The following DGKD variants were observed in gnomAD, a reference collection of about 807,000 sequenced individuals.
DGKD encodes DAG kinase delta.
DGKD carries 68 observed loss-of-function variants against 154.4 expected under a neutral mutation model. The observed-to-expected ratio is 0.44, with a 90% CI of 0.36 to 0.54. DGKD has a LOEUF of 0.54. DGKD is among the 20% of genes least tolerant of loss of function. The probability of loss-of-function intolerance (pLI) is 0.00; values close to 1 mark genes in which losing one functional copy is unlikely to be tolerated. For missense variants in DGKD, 1,343 were observed against 1,593.6 expected, an observed-to-expected ratio of 0.84 and a Z score of 2.68; for synonymous variants, 693 against 638.0, an observed-to-expected ratio of 1.09 and a Z score of -1.30.
chr2:233,388,146 T>A (rs2125437883), intron 1 of DGKD, 111 bp from the exon 2 acceptor site: 1 of 1,545,546 alleles, frequency 6.5e-7, no homozygotes. Flanking sequence ...TGAGAAATAT[T>A]TTCTGTTAGA....
intron 1 of DGKD, among the ~76,000 whole-genome samples, chr2:233,358,027 T>A (rs1296008078): frequency 6.6e-6 from 1 of 152,270 alleles, no homozygotes; most frequent in East Asian, 1.9e-4. Flanking sequence ...CATTTATCAG[T>A]TTAGCATTTC....
At chr2:233,456,431 G>C (rs1417409398) in intron 19 of DGKD, among the ~76,000 whole-genome samples, 1 of 152,252 alleles carries the variant, frequency 6.6e-6, no homozygotes, top group Non-Finnish European at 1.5e-5. Context: ...AAAGAAGACT[G>C]AGGAAATACA....
intron 1 of DGKD, among the ~76,000 whole-genome samples, chr2:233,387,700 G>A (rs1387849562): frequency 6.6e-6 from 1 of 152,134 alleles, no homozygotes. Flanking sequence ...TGTGGCCGAG[G>A]CACTTTCCTC....
At chr2:233,378,032 A>G (rs12329282) in intron 1 of DGKD, among the ~76,000 whole-genome samples, 1 of 151,276 alleles carries the variant, frequency 6.6e-6, no homozygotes, top group East Asian at 1.9e-4. Flanking sequence ...GCCTTGAACT[A>G]CTGGTCTCAA....
At chr2:233,443,378 G>A (rs1227529694) in intron 10 of DGKD, among the ~76,000 whole-genome samples, 1 of 151,922 alleles carries the variant, frequency 6.6e-6, no homozygotes, top group Non-Finnish European at 1.5e-5. Context: ...GGGTGTGTGA[G>A]GATTATTGTT....
chr2:233,396,685 T>C, intron 3 of DGKD, among the ~76,000 whole-genome samples: 1 of 152,154 alleles, frequency 6.6e-6, no homozygotes, highest in Non-Finnish European at 1.5e-5. Context: ...GTAAATCCAC[T>C]GAGGGAAGCA....
intron 3 of DGKD, among the ~76,000 whole-genome samples, chr2:233,411,748 C>T (rs1575068161): frequency 6.6e-6 from 1 of 152,212 alleles, no homozygotes; most frequent in East Asian, 1.9e-4. Flanking sequence ...TCTACCTCGG[C>T]TTGCAAAGAT....
Position 233,460,297 on chromosome 2 carries a change from C to T in DGKD, c.2933C>T (p.Ala978Val). Residue 978 changes from alanine to valine, a missense_variant, in exon 24 of 30, where the codon GCC (alanine) becomes GTC (valine). Ala to Val is a moderately conservative substitution (Grantham distance 64). This residue lies in a region of DGKD where 429 missense variants were observed against 496.3 expected (regional missense o/e 0.86). Coordinates refer to ENST00000264057, the MANE Select transcript of DGKD (RefSeq NM_152879.3). ...CCGGAGATGCTGTCCGAGGAGGAGG[C>T]CACCCAGATGGACCAGTTTGGGCAG... ...LHPEMLSEEE[A>V]TQMDQFGQAA... 2 of 1,614,018 alleles carry T rather than the reference C, an allele frequency of 1.2e-6. No individual in the cohort carries two copies. Among genetic ancestry groups the T allele is most frequent in the Non-Finnish European group, 1.7e-6 (2 of 1,179,988 alleles).
rs1357581152 is a variant in DGKD at position 233,459,228 on chromosome 2, T to C, written c.2695-529T>C. On this transcript the variant is annotated intron_variant, in intron 22 of 29. Transcript: ENST00000264057. This position sits in a 1 kb window ranked among gnomAD's most constrained non-coding sequence, Gnocchi z 5.7. ...GCACTGGGGCGGGGGAGGGTGCTGA[T>C]GACACCCACTGGCTGAACCCCACCC... Among the ~76,000 whole-genome samples, 1 of 152,128 alleles carries C rather than the reference T, an allele frequency of 6.6e-6. No individual in the cohort carries two copies. Among genetic ancestry groups the C allele is most frequent in the Non-Finnish European group, 1.5e-5 (1 of 68,012 alleles).
chr2:233,358,760 A>G (rs976482338), intron 1 of DGKD, among the ~76,000 whole-genome samples: 12 of 152,184 alleles, frequency 7.9e-5, no homozygotes. Context: ...GTAATATTCC[A>G]TTCTACAGGC....
At chr2:233,357,668 C>G (rs751596240) in intron 1 of DGKD, among the ~76,000 whole-genome samples, 1 of 151,870 alleles carries the variant, frequency 6.6e-6, no homozygotes, top group Non-Finnish European at 1.5e-5. Context: ...TCCCAAGTAG[C>G]TGGGACTACA....
rs1436562129 is a variant in DGKD, at chr2:233,442,006, A to G, written c.1194+11A>G. On this transcript the variant is annotated intron_variant, in intron 10 of 29. Coordinates refer to ENST00000264057, the MANE Select transcript of DGKD (RefSeq NM_152879.3). ...AACCTTCATAAACAGGTACCAGGAC[A>G]GGAGGGAGCCCAGCCAGGAGCAGAG... The G allele has an allele frequency of 6.2e-7, 1 of 1,612,532 alleles. No individual in the cohort carries two copies. The highest frequency in any genetic ancestry group is 1.1e-5 in the South Asian group (1 of 91,050).
At chr2:233,383,197 T>C (rs1434763638) in intron 1 of DGKD, among the ~76,000 whole-genome samples, 1 of 152,090 alleles carries the variant, frequency 6.6e-6, no homozygotes, top group African/African-American at 2.4e-5. Flanking sequence ...TCCGCCACCA[T>C]GCCCAGCTAA....
At position 233,370,026 on chromosome 2, in the gene DGKD, A is replaced by G. The variant is rs1702232667; in HGVS notation, c.156+15352A>G. On this transcript the variant is annotated intron_variant, in intron 1 of 29. Coordinates refer to ENST00000264057, the MANE Select transcript of DGKD (RefSeq NM_152879.3). Reference sequence around the variant, plus strand: ...TTAACCATTTTAAAGTGCACAGTTAAGTGCCATTAAGTACATTAATGGTAT... The same window carrying G: ...TTAACCATTTTAAAGTGCACAGTTAGGTGCCATTAAGTACATTAATGGTAT... 1.3e-5 allele frequency among the ~76,000 whole-genome samples: 2 copies of G among 152,122 alleles called. 1 individual carries two copies. The highest frequency in any genetic ancestry group is 4.1e-4 in the South Asian group (2 of 4,826).
At chr2:233,415,364 A>G (rs2061935884) in intron 3 of DGKD, among the ~76,000 whole-genome samples, 1 of 152,230 alleles carries the variant, frequency 6.6e-6, no homozygotes, top group African/African-American at 2.4e-5. Context: ...GGTGGCTGCC[A>G]GCTGAGTCAT....
At chr2:233,423,474 G>A (rs1373982243) in intron 3 of DGKD, among the ~76,000 whole-genome samples, 1 of 152,120 alleles carries the variant, frequency 6.6e-6, no homozygotes, top group Non-Finnish European at 1.5e-5. Flanking sequence ...TCTGGTTGTG[G>A]TTTCAGTGTG....
rs35459218 is a variant in DGKD, at chr2:233,447,517, TA to T, written c.1420-561del. 8.1e-6 allele frequency: 8 copies of T among 985,012 alleles called. No homozygotes were observed. In the East Asian group the frequency reaches 3.4e-4, roughly 42 times the overall value. The allele number at this position is 985,012 out of a possible 1,614,324, so 61.0% of individuals were successfully genotyped here. On this transcript the variant is annotated intron_variant, in intron 12 of 29. Transcript: ENST00000264057. ...GTACATTTTTTATTTTTCCTTTTTT[TA>T]AAAAAAAATTTTTTTTTTGAGAGGA...
chr2:233,430,820 G>C (rs981705811), intron 3 of DGKD, among the ~76,000 whole-genome samples: 1 of 152,152 alleles, frequency 6.6e-6, no homozygotes, highest in Admixed American at 6.5e-5. Context: ...ATGTTTGTCA[G>C]TACTGGATAG....
In DGKD at chr2:233,436,031, G is replaced by A. The variant is rs1012806740; in HGVS notation, c.693+107G>A. On this transcript the variant is annotated intron_variant, in intron 6 of 29. Coordinates refer to ENST00000264057, the MANE Select transcript of DGKD (RefSeq NM_152879.3). ...TCCCTGCCACTGTTTCATTTGAGAT[G>A]GTCACACTGGCATTGGGTGGCACAG... is the stretch of plus-strand genomic sequence containing the variant. 4 of 1,225,620 alleles carry A rather than the reference G, an allele frequency of 3.3e-6. No individual in the cohort carries two copies. The African/African-American group carries it at 6.1e-5, about 19-fold the overall frequency. 75.9% of individuals were successfully genotyped at this position (1,225,620 alleles called of 1,614,324 possible).
Sources: gnomAD v4.1 joint callset for allele counts (sites outside exome capture counted in the v4.1 genomes callset) on GRCh38, gnomAD v4.1.1 for gene constraint, gnomAD v4.1.1 regional missense constraint, Gnocchi (gnomAD v3.1) non-coding constraint, MANE v1.5 for transcripts, NCBI Gene and HGNC (gene_info 2026-07-23, HGNC 2026-07-21) for gene names.